BAIAP2: variants seen among roughly 807,000 people sequenced by gnomAD.
BAIAP2 encodes BAR/IMD domain containing adaptor protein 2.
A neutral mutation model predicts 63.0 loss-of-function variants in BAIAP2; 18 were observed. The ratio of observed to expected loss-of-function variants is 0.29; its 90% CI spans 0.20 to 0.42. The LOEUF is 0.42. BAIAP2 is among the 10% of genes least tolerant of loss of function. BAIAP2 has a pLI of 1.00. For synonymous variants in BAIAP2, 386 were observed against 307.6 expected, an observed-to-expected ratio of 1.25 and a Z score of -2.67; for missense variants, 610 against 734.3, an observed-to-expected ratio of 0.83 and a Z score of 1.96.
rs747882853 is a variant in BAIAP2 at position 81,104,581 on chromosome 17, G to A, written c.1134G>A (p.Arg378=). Reference sequence around the variant, plus strand: ...GCCTGGAGCGCAATGGCCGTATGCGGGTGAAGGCCATCTTCTCCCACGCTG... The same window carrying A: ...GCCTGGAGCGCAATGGCCGTATGCGAGTGAAGGCCATCTTCTCCCACGCTG... ...AAGLERNGRM[R]VKAIFSHAAG... is the part of the protein sequence containing the mutation. Residue 378 remains arginine, a synonymous_variant, in exon 10 of 14, where the codon CGG becomes CGA. Transcript: ENST00000428708. The A allele has an allele frequency of 1.7e-5, 28 of 1,612,058 alleles. No individual in the cohort carries two copies. Among genetic ancestry groups the A allele is most frequent in the Non-Finnish European group, 2.3e-5 (27 of 1,179,938 alleles).
chr17:81,055,510 A>G (rs1029968072), intron 2 of BAIAP2, among the ~76,000 whole-genome samples: 11 of 151,090 alleles, frequency 7.3e-5, no homozygotes, highest in Non-Finnish European at 1.0e-4. Context: ...CACCCGAGGG[A>G]CCTGCTCATC....
intron 3 of BAIAP2, among the ~76,000 whole-genome samples, chr17:81,065,920 C>T (rs1443845367): frequency 6.6e-6 from 1 of 152,242 alleles, no homozygotes; most frequent in African/African-American, 2.4e-5. Flanking sequence ...AGGACGGTGC[C>T]CTGTCTTCAG....
At chr17:81,109,906 T>C (rs1013180723) in intron 13 of BAIAP2, 40 of 985,086 alleles carry the variant, frequency 4.1e-5, no homozygotes, top group Non-Finnish European at 4.5e-5. Context: ...CGGGCCCGGC[T>C]GGGGGAGGGC....
In BAIAP2 at chr17:81,095,256, G is replaced by A. The variant is rs375757130; in HGVS notation, c.490-4672G>A. Among the ~76,000 whole-genome samples the A allele has an allele frequency of 9.2e-5, 14 of 152,264 alleles. No individual in the cohort carries two copies. The East Asian group carries it at 1.7e-3, about 19-fold the overall frequency. The stretch of plus-strand genomic sequence containing the variant: ...AGGCTCAGGGCCGTTGTAAATGGCC[G>A]GGCTGCCAGGTAGGAGGTACAGACC... On this transcript the variant is annotated intron_variant, in intron 6 of 13. Coordinates refer to ENST00000428708, the MANE Select transcript of BAIAP2 (RefSeq NM_001144888.2).
At chr17:81,049,118 C>T (rs538599655) in intron 1 of BAIAP2, among the ~76,000 whole-genome samples, 1 of 152,246 alleles carries the variant, frequency 6.6e-6, no homozygotes, top group Admixed American at 6.5e-5. Flanking sequence ...TGCGTGGTCG[C>T]CGGGGGCACA....
At chr17:81,086,634 C>T (rs1019112293) in intron 6 of BAIAP2, 54 bp downstream of exon 6, 1 of 1,594,990 alleles carries the variant, frequency 6.3e-7, no homozygotes. Flanking sequence ...GGACTGCTCA[C>T]CCCTCGGCCC....
At chr17:81,088,844 C>T (rs9907012) in intron 6 of BAIAP2, among the ~76,000 whole-genome samples, 138,035 of 152,268 alleles carry the variant, frequency 0.91, 63,232 homozygotes, top group East Asian at 1. Flanking sequence ...CTGGAGATCG[C>T]GGCGGGGTAG....
chr17:81,112,713 G>A (rs959634289), intron 13 of BAIAP2, among the ~76,000 whole-genome samples: 2 of 152,234 alleles, frequency 1.3e-5, no homozygotes, highest in Non-Finnish European at 2.9e-5. Flanking sequence ...TGACGGCTCC[G>A]TTTCTTCTCG....
chr17:81,042,835 C>T (rs900250613), intron 1 of BAIAP2, among the ~76,000 whole-genome samples: 9 of 152,050 alleles, frequency 5.9e-5, no homozygotes, highest in African/African-American at 1.7e-4. Context: ...CTGCTAGTGG[C>T]GGGCAGAGTG....
intron 13 of BAIAP2, chr17:81,110,862 C>T (rs374000494): frequency 2.9e-5 from 46 of 1,611,422 alleles, no homozygotes; most frequent in African/African-American, 4.0e-5. Context: ...TCTGCACCCC[C>T]GAGTCCTCAG....
chr17:81,055,717 C>T (rs2049431466), intron 2 of BAIAP2, among the ~76,000 whole-genome samples: 1 of 151,972 alleles, frequency 6.6e-6, no homozygotes, highest in Non-Finnish European at 1.5e-5. Flanking sequence ...AGGTGCCTGC[C>T]ACCACGCCCG....
At chr17:81,047,430 C>T (rs111307048) in intron 1 of BAIAP2, among the ~76,000 whole-genome samples, 12,871 of 152,316 alleles carry the variant, frequency 0.085, 753 homozygotes, top group Non-Finnish European at 0.13. Flanking sequence ...TCTGTTTGTT[C>T]TTCTGAGTAG....
At chr17:81,094,976 A>G (rs1048819594) in intron 6 of BAIAP2, among the ~76,000 whole-genome samples, 1 of 152,192 alleles carries the variant, frequency 6.6e-6, no homozygotes, top group African/African-American at 2.4e-5. Flanking sequence ...TTTTTTCTGG[A>G]ATGCCCCTCC....
intron 3 of BAIAP2, among the ~76,000 whole-genome samples, chr17:81,077,274 C>A (rs2053819442): frequency 6.6e-6 from 1 of 152,110 alleles, no homozygotes; most frequent in South Asian, 2.1e-4. Flanking sequence ...CGGCCACAGT[C>A]CCAATTTCTT....
chr17:81,053,395 G>T, intron 1 of BAIAP2: 2 of 482,710 alleles, frequency 4.1e-6, no homozygotes, highest in Non-Finnish European at 7.5e-6. Context: ...ATGCAAATGC[G>T]CTCCTTCAGC....
chr17:81,103,446 G>A, intron 7 of BAIAP2, 56 bp from the exon 8 acceptor site: 4 of 1,489,550 alleles, frequency 2.7e-6, no homozygotes, highest in Non-Finnish European at 3.6e-6. Context: ...CGCTGTGCCT[G>A]GCTGCAGGAG....
chr17:81,086,656 A>C (rs1476828424), intron 6 of BAIAP2, 76 bp downstream of exon 6: 1 of 1,551,126 alleles, frequency 6.4e-7, no homozygotes, highest in Non-Finnish European at 8.8e-7. Context: ...CCTCGTCCAC[A>C]GGGAGTGGAC....
chr17:81,044,956 G>C (rs1208236351), intron 1 of BAIAP2, among the ~76,000 whole-genome samples: 2 of 152,232 alleles, frequency 1.3e-5, no homozygotes, highest in African/African-American at 4.8e-5. Flanking sequence ...AGGGTGGCTG[G>C]ACATTGGAAG....
chr17:81,071,111 T>TTC (rs1555665361), intron 3 of BAIAP2, among the ~76,000 whole-genome samples: 69 of 150,860 alleles, frequency 4.6e-4, no homozygotes, highest in South Asian at 1.1e-3. Context: ...TTTTTTTTTT[T>TTC]CCCCCATTGG....
Sources: gnomAD v4.1 joint callset for allele counts (sites outside exome capture counted in the v4.1 genomes callset) on GRCh38, gnomAD v4.1.1 for gene constraint, MANE v1.5 for transcripts, NCBI Gene and HGNC (gene_info 2026-07-23, HGNC 2026-07-21) for gene names.